The following MAST3 variants were observed in gnomAD, a reference collection of about 807,000 sequenced individuals.
MAST3 encodes the protein microtubule-associated serine/threonine-protein kinase 3.
Under a neutral mutation model 127.0 loss-of-function variants are expected in MAST3, and 43 were observed. The observed-to-expected ratio is 0.34, with a 90% confidence interval of 0.27 to 0.44. MAST3 has a LOEUF of 0.44. Ranked by LOEUF, MAST3 falls within the 20% of genes least tolerant of loss-of-function variation. The probability of loss-of-function intolerance (pLI) is 1.00; values close to 1 mark genes in which losing one functional copy is unlikely to be tolerated. For missense variants in MAST3, 1,390 were observed against 1,919.1 expected (o/e 0.72, Z 5.15); for synonymous variants, 785 against 809.2 (o/e 0.97, Z 0.51).
intron 18 of MAST3, 56 bp from the exon 19 acceptor site, chr19:18,137,183 G>A (rs367546923): frequency 1.9e-6 from 3 of 1,587,800 alleles, no homozygotes; most frequent in South Asian, 1.1e-5. Flanking sequence ...GGGTAGGGGG[G>A]CATCCTGTGG....
Position 18,112,439 on chromosome 19 carries a change from A to T in MAST3, c.161+1698A>T, listed in dbSNP as rs572647102. Among the ~76,000 whole-genome samples, 633 of 152,224 alleles carry T rather than the reference A, an allele frequency of 4.2e-3. 2 individuals are homozygous for T. Among genetic ancestry groups the T allele is most frequent in the Non-Finnish European group, 6.7e-3 (453 of 68,008 alleles). The stretch of plus-strand genomic sequence containing the variant: ...AACCTCCGCCTCCTAGGTTCAGGTG[A>T]TTCTCCTGCCTCAGCCTCCCAAGTA... On this transcript the variant is annotated intron_variant, in intron 3 of 27. Coordinates refer to ENST00000687212, the MANE Select transcript of MAST3 (RefSeq NM_001393504.1). The surrounding 1 kb of genome is among the most constrained non-coding windows in gnomAD (Gnocchi z 4.1).
At chr19:18,113,294 T>C (rs1003149262) in intron 3 of MAST3, among the ~76,000 whole-genome samples, 2 of 144,250 alleles carry the variant, frequency 1.4e-5, no homozygotes, top group Admixed American at 1.4e-4. Flanking sequence ...CCCTGCCTCC[T>C]TTTTTTTTTT....
At chr19:18,123,826 A>G in intron 8 of MAST3, 113 bp from the exon 9 acceptor site, 3 of 1,086,068 alleles carry the variant, frequency 2.8e-6, no homozygotes, top group Non-Finnish European at 3.9e-6. Context: ...CTCCCACCCG[A>G]TCGCCCCATT....
At chr19:18,104,956 G>A (rs751278958) in intron 1 of MAST3, among the ~76,000 whole-genome samples, 1 of 152,142 alleles carries the variant, frequency 6.6e-6, no homozygotes, top group Non-Finnish European at 1.5e-5. Flanking sequence ...GGAAACTGAG[G>A]CACGGGGCAT....
intron 1 of MAST3, chr19:18,098,663 A>G (rs2037244394): frequency 2.2e-6 from 1 of 454,788 alleles, no homozygotes; most frequent in Middle Eastern, 3.3e-4. Flanking sequence ...AAAAACAGGA[A>G]TTAAGATTTG....
At chr19:18,113,730 G>A (rs2038912927) in intron 3 of MAST3, among the ~76,000 whole-genome samples, 1 of 152,172 alleles carries the variant, frequency 6.6e-6, no homozygotes, top group Non-Finnish European at 1.5e-5. Flanking sequence ...CCACAATGCT[G>A]GAATTACAAG....
chr19:18,132,571 G>A (rs922703516), intron 15 of MAST3, among the ~76,000 whole-genome samples: 1 of 152,172 alleles, frequency 6.6e-6, no homozygotes, highest in Non-Finnish European at 1.5e-5. Flanking sequence ...GCCTTAGGAT[G>A]TTTATTTTAT....
At position 18,141,997 on chromosome 19, in the gene MAST3, G is replaced by A. The variant is rs370993132; in HGVS notation, c.2321G>A (p.Arg774Gln). The A allele has an allele frequency of 5.8e-5, 87 of 1,506,520 alleles. No homozygotes were observed. Among genetic ancestry groups the A allele is most frequent in the African/African-American group, 3.4e-4 (24 of 71,096 alleles). The allele number at this position is 1,506,520 out of a possible 1,614,324, so 93.3% of individuals were successfully genotyped here. Residue 774 changes from arginine to glutamine, a missense_variant, in exon 21 of 28, where the codon CGG (arginine) becomes CAG (glutamine). Around this residue, in one of 5 missense-constraint regions of MAST3, gnomAD observed 816 missense variants for 934.1 expected, o/e 0.87. Transcript: ENST00000687212. ...WERSEVDYGR[R>Q]LSADIRLRSW... ...CGCAGCGAAGTGGACTATGGCCGCCGGCTGAGTGCTGACATCCGGTAAGTG... is the reference window on the plus strand; with the variant it reads ...CGCAGCGAAGTGGACTATGGCCGCCAGCTGAGTGCTGACATCCGGTAAGTG...
intron 3 of MAST3, among the ~76,000 whole-genome samples, chr19:18,119,032 C>G (rs1445589985): frequency 6.6e-6 from 1 of 152,152 alleles, no homozygotes; most frequent in Non-Finnish European, 1.5e-5. Context: ...CCCCTGCTTT[C>G]TGCCACATTC....
intron 11 of MAST3, among the ~76,000 whole-genome samples, chr19:18,128,113 G>GAT (rs2040862368): frequency 6.6e-6 from 1 of 152,178 alleles, no homozygotes; most frequent in South Asian, 2.1e-4. Context: ...GACACCCAGG[G>GAT]GGCCTGTGTC....
In MAST3 at chr19:18,121,925, G is replaced by A. The variant is rs1432337014; in HGVS notation, c.320+3G>A. On this transcript the variant is annotated splice_donor_region_variant and intron_variant, in intron 5 of 27. Transcript: ENST00000687212. ...CTAAATTTCCCCTTTGCCCGGAGGT[G>A]AGTGATTGCCGGCTTTGGGAGACAG... 6.2e-7 allele frequency: 1 copy of A among 1,614,006 alleles called. No homozygotes were observed. The highest frequency in any genetic ancestry group is 8.5e-7 in the Non-Finnish European group (1 of 1,179,894).
chr19:18,113,307 G>C (rs552486194), intron 3 of MAST3, among the ~76,000 whole-genome samples: 2 of 151,000 alleles, frequency 1.3e-5, no homozygotes, highest in African/African-American at 4.9e-5. Context: ...TTTTTTTTGA[G>C]ACAGTCTCGC....
At chr19:18,111,833 G>A (rs371235116) in intron 3 of MAST3, among the ~76,000 whole-genome samples, 11 of 152,138 alleles carry the variant, frequency 7.2e-5, no homozygotes, top group East Asian at 3.9e-4. Flanking sequence ...GACCTTTAAC[G>A]GGGAGAAGAG....
At chr19:18,124,203 G>A in intron 9 of MAST3, 55 bp downstream of exon 9, 1 of 1,589,516 alleles carries the variant, frequency 6.3e-7, no homozygotes. Flanking sequence ...TGGAGTGAGG[G>A]GGGTCCCCAG....
At position 18,145,783 on chromosome 19, in the gene MAST3, G is replaced by A. The variant is rs773237964; in HGVS notation, c.3080G>A (p.Arg1027Gln). 3.9e-5 allele frequency: 62 copies of A among 1,592,178 alleles called. No homozygotes were observed. The highest frequency in any genetic ancestry group is 3.4e-4 in the South Asian group (30 of 88,556). Residue 1027 changes from arginine (R) to glutamine (Q), a missense_variant, in exon 25 of 28, where the codon CGG (arginine) becomes CAG (glutamine). Arg to Gln is a conservative substitution (Grantham distance 43). Transcript: ENST00000687212. The surrounding 1 kb of genome is among the most constrained non-coding windows in gnomAD (Gnocchi z 5.9). ...AGCCCCGCCCAGGAGGCGGGCCTGC[G>A]GGCTGGGGACCTCATCACCCACATC... is the stretch of plus-strand genomic sequence containing the variant. ...DGSPAQEAGLRAGDLITHING... is the reference protein window; with the variant it reads ...DGSPAQEAGLQAGDLITHING...
chr19:18,150,465 T>G lies in MAST3; in HGVS notation c.*739T>G, dbSNP rs1435788118. On this transcript the variant is annotated 3_prime_UTR_variant, in exon 28 of 28. Transcript: ENST00000687212. ...CCAGTTTTTCTGTACTTTTTAAGTG[T>G]TTTGTGTTACCTGGTCTCATTCCCC... 6.6e-6 allele frequency: 1 copy of G among 152,278 alleles called. No homozygotes were observed. Among genetic ancestry groups the G allele is most frequent in the Non-Finnish European group, 1.5e-5 (1 of 68,108 alleles). 9.4% of individuals were successfully genotyped at this position (152,278 alleles called of 1,614,324 possible).
chr19:18,113,836 G>A (rs544348616), intron 3 of MAST3, among the ~76,000 whole-genome samples: 1 of 152,292 alleles, frequency 6.6e-6, no homozygotes, highest in East Asian at 1.9e-4. Flanking sequence ...GACCTCAGGT[G>A]ATCCACCCGC....
In MAST3 at chr19:18,130,525, C is replaced by G; in HGVS notation, c.1255C>G (p.Arg419Gly). The change falls in exon 14 of 28, where the codon CGG becomes GGG. Residue 419 changes from arginine (R) to glycine (G), a missense_variant. Physicochemically the swap from Arg to Gly is moderately radical, Grantham distance 125 (BLOSUM62 -2). This residue lies in a region of MAST3 where 277 missense variants were observed against 384.8 expected (regional missense o/e 0.72). Coordinates refer to ENST00000687212, the MANE Select transcript of MAST3 (RefSeq NM_001393504.1). Reference protein sequence around the residue: ...AVYLVRHRDTRQRFAIKKINK... With the variant: ...AVYLVRHRDTGQRFAIKKINK... ...CTACCTGGTGCGGCACCGTGACACA[C>G]GGCAGCGCTTTGCCATCAAGAAGAT... is the stretch of plus-strand genomic sequence containing the variant. 1 of 1,608,854 alleles carries G rather than the reference C, an allele frequency of 6.2e-7. No individual in the cohort carries two copies. Among genetic ancestry groups the G allele is most frequent in the Non-Finnish European group, 8.5e-7 (1 of 1,177,442 alleles).
rs1005414769 is a variant in MAST3, at chr19:18,116,478, A to G, written c.162-5207A>G. On this transcript the variant is annotated intron_variant, in intron 3 of 27. Coordinates refer to ENST00000687212, the MANE Select transcript of MAST3 (RefSeq NM_001393504.1). ...CAGCTAATTTTGTATTTTTTTTAGT[A>G]GAGACTGGGTTTCACCTTGTTGGCC... 2.7e-5 allele frequency among the ~76,000 whole-genome samples: 4 copies of G among 150,076 alleles called. No homozygotes were observed. The East Asian group carries it at 6.1e-4, about 23-fold the overall frequency.
Sources: allele counts gnomAD v4.1 joint callset (sites outside exome capture counted in the v4.1 genomes callset), GRCh38; gene constraint gnomAD v4.1.1; regional missense constraint gnomAD v4.1.1; non-coding constraint Gnocchi (gnomAD v3.1); transcripts MANE v1.5; gene names NCBI Gene and HGNC (gene_info 2026-07-23, HGNC 2026-07-21).